Variants in TNFRSF19 observed in about 807,000 individuals in gnomAD.
TNFRSF19 encodes tumor necrosis factor receptor superfamily member 19.
TNFRSF19 carries 27 observed loss-of-function variants against 46.4 expected under a neutral mutation model. That is an observed-to-expected ratio of 0.58 (90% CI 0.43 to 0.80). The LOEUF (loss-of-function observed/expected upper bound fraction) is 0.80. Ranked by LOEUF, TNFRSF19 falls within the 30% of genes least tolerant of loss-of-function variation. The pLI, the probability that TNFRSF19 is intolerant of heterozygous loss-of-function variation, is 0.00. For missense variants in TNFRSF19, 511 were observed against 530.8 expected, an observed-to-expected ratio of 0.96 and a Z score of 0.37; for synonymous variants, 204 against 205.0, an observed-to-expected ratio of 1.00 and a Z score of 0.04.
rs115602014 is a variant in TNFRSF19, at chr13:23,617,606, G to C, written c.359+1561G>C. Among the ~76,000 whole-genome samples, 426 of 152,284 alleles carry C rather than the reference G, an allele frequency of 2.8e-3. 2 individuals are homozygous for C. Among genetic ancestry groups the C allele is most frequent in the African/African-American group, 9.6e-3 (398 of 41,544 alleles). On this transcript the variant is annotated intron_variant, in intron 4 of 9. Transcript: ENST00000248484. ...TTACTGACCAAAGACAGAAGAGAGA[G>C]GAAGCAGAAACCCTGGAGCATCAGA...
chr13:23,630,999 T>A (rs1210229489), intron 5 of TNFRSF19, among the ~76,000 whole-genome samples: 2 of 152,156 alleles, frequency 1.3e-5, no homozygotes, highest in Non-Finnish European at 2.9e-5. Context: ...AAGCCTGAGC[T>A]GGGCTGACCT....
chr13:23,626,000 G>T (rs186194585), intron 4 of TNFRSF19, among the ~76,000 whole-genome samples: 1 of 152,246 alleles, frequency 6.6e-6, no homozygotes, highest in Admixed American at 6.5e-5. Context: ...TTTTGGGAAT[G>T]AAAGTTGTTT....
chr13:23,640,169 G>A (rs1351353413), intron 5 of TNFRSF19, among the ~76,000 whole-genome samples: 1 of 152,186 alleles, frequency 6.6e-6, no homozygotes, highest in Admixed American at 6.5e-5. Flanking sequence ...GGCTGTTTGT[G>A]TAGTTGGAGG....
chr13:23,615,868 A>T lies in TNFRSF19; in HGVS notation c.182A>T (p.Glu61Val). 1 of 1,597,404 alleles carries T rather than the reference A, an allele frequency of 6.3e-7. No individual in the cohort carries two copies. The highest frequency in any genetic ancestry group is 1.1e-5 in the South Asian group (1 of 89,102). ...TCTGTTACCCGTTAATCCCCACAGG[A>T]ATGTGGCTTCGGCTATGGGGAGGAT... ...QCGPGMELSK[E>V]CGFGYGEDAQ... is the part of the protein sequence containing the mutation. Residue 61 changes from glutamate to valine, a missense_variant and splice_region_variant, in exon 4 of 10, where the codon GAA becomes GTA. By Grantham distance (121) the Glu-to-Val change is moderately radical. Around this residue, in one of 3 missense-constraint regions of TNFRSF19, gnomAD observed 121 missense variants for 124.1 expected, o/e 0.98. Transcript: ENST00000248484.
At chr13:23,671,193 C>T (rs1951757311) in intron 9 of TNFRSF19, among the ~76,000 whole-genome samples, 7 of 152,054 alleles carry the variant, frequency 4.6e-5, no homozygotes, top group Admixed American at 4.6e-4. Context: ...CAAAGACATG[C>T]AAGGTAGTTC....
At chr13:23,573,274 AT>A (rs34191812) in intron 1 of TNFRSF19, among the ~76,000 whole-genome samples, 23 of 147,652 alleles carry the variant, frequency 1.6e-4, no homozygotes, top group East Asian at 3.9e-4. Context: ...ATTGTAGTGC[AT>A]TTTTTTTTTG....
intron 1 of TNFRSF19, among the ~76,000 whole-genome samples, chr13:23,573,078 A>G (rs1380545414): frequency 6.6e-6 from 1 of 152,218 alleles, no homozygotes; most frequent in Non-Finnish European, 1.5e-5. Flanking sequence ...AGATGAGGAA[A>G]CTGAGGCTAT....
chr13:23,660,545 G>A (rs2138393581), intron 7 of TNFRSF19, 55 bp downstream of exon 7: 1 of 1,586,112 alleles, frequency 6.3e-7, no homozygotes, highest in Non-Finnish European at 8.6e-7. Flanking sequence ...AGAAGCTGAA[G>A]CAGCAAGAAT....
At chr13:23,657,003 G>A (rs561211419) in intron 5 of TNFRSF19, among the ~76,000 whole-genome samples, 1 of 152,126 alleles carries the variant, frequency 6.6e-6, no homozygotes, top group African/African-American at 2.4e-5. Context: ...TGAACATTTA[G>A]TGTGTGCCGT....
intron 5 of TNFRSF19, among the ~76,000 whole-genome samples, chr13:23,645,421 C>T (rs1883274243): frequency 6.6e-6 from 1 of 152,058 alleles, no homozygotes; most frequent in African/African-American, 2.4e-5. Context: ...AGGCTGGTCT[C>T]AAACTCCTGG....
intron 3 of TNFRSF19, among the ~76,000 whole-genome samples, chr13:23,606,362 A>T (rs1197404888): frequency 2.1e-5 from 3 of 145,074 alleles, no homozygotes; most frequent in South Asian, 2.2e-4. Flanking sequence ...ATTTTTTTAA[A>T]AAAAAAGACC....
intron 3 of TNFRSF19, among the ~76,000 whole-genome samples, chr13:23,613,864 C>T (rs2871989): frequency 0.052 from 7,964 of 152,244 alleles, 254 homozygotes; most frequent in East Asian, 0.12. Flanking sequence ...ATGATCACCC[C>T]GCAAAGACCC....
intron 3 of TNFRSF19, chr13:23,594,193 A>T (rs374208053): frequency 2.2e-6 from 1 of 450,150 alleles, no homozygotes; most frequent in Admixed American, 2.4e-5. Context: ...GCAGACACTG[A>T]GCTAGCTGCA....
At chr13:23,626,072 A>C (rs544848700) in intron 4 of TNFRSF19, among the ~76,000 whole-genome samples, 2 of 152,292 alleles carry the variant, frequency 1.3e-5, no homozygotes, top group Admixed American at 1.3e-4. Context: ...TACCTTATAG[A>C]CTGAAGGTAT....
intron 7 of TNFRSF19, among the ~76,000 whole-genome samples, chr13:23,667,129 ATATATATATATG>A (rs1350154931): frequency 1.2e-5 from 1 of 86,110 alleles, no homozygotes; most frequent in African/African-American, 4.9e-5. Context: ...TGATATATAT[ATATATATATATG>A]TATGTATAGA....
intron 3 of TNFRSF19, among the ~76,000 whole-genome samples, chr13:23,599,526 G>A (rs771596441): frequency 3.0e-4 from 46 of 152,144 alleles, no homozygotes; most frequent in Admixed American, 1.8e-3. Flanking sequence ...ACTGGGAGTG[G>A]GGAGCAGGTA....
intron 1 of TNFRSF19, among the ~76,000 whole-genome samples, chr13:23,580,146 A>G (rs1306721292): frequency 6.6e-6 from 1 of 152,248 alleles, no homozygotes; most frequent in Non-Finnish European, 1.5e-5. Flanking sequence ...CATGGGACAG[A>G]AATTTGGCTA....
chr13:23,636,416 G>A (rs1430213317), intron 5 of TNFRSF19, among the ~76,000 whole-genome samples: 1 of 152,110 alleles, frequency 6.6e-6, no homozygotes, highest in Non-Finnish European at 1.5e-5. Context: ...ATGAAGTGCT[G>A]CAGAAACACA....
At chr13:23,619,286 G>A (rs1881502368) in intron 4 of TNFRSF19, among the ~76,000 whole-genome samples, 1 of 152,188 alleles carries the variant, frequency 6.6e-6, no homozygotes, top group Non-Finnish European at 1.5e-5. Context: ...ACCAATGATG[G>A]CATATTACAT....
Sources: allele counts gnomAD v4.1 joint callset (sites outside exome capture counted in the v4.1 genomes callset), GRCh38; gene constraint gnomAD v4.1.1; regional missense constraint gnomAD v4.1.1; transcripts MANE v1.5; gene names NCBI Gene and HGNC (gene_info 2026-07-23, HGNC 2026-07-21).